EPHA6: variants seen among roughly 807,000 people sequenced by gnomAD.
EPHA6 encodes the protein EPH receptor A6.
Under a neutral mutation model 112.0 loss-of-function variants are expected in EPHA6, and 50 were observed. That is an observed-to-expected ratio of 0.45 (90% confidence interval 0.36 to 0.56). The LOEUF (loss-of-function observed/expected upper bound fraction) is 0.56, where lower values mean the gene tolerates loss of function less well. Among genes scored for constraint, EPHA6 ranks in the 20% least tolerant of loss-of-function variants. The pLI is 0.00. For missense variants in EPHA6, 1,280 were observed against 1,417.4 expected (o/e 0.90, Z 1.56); for synonymous variants, 529 against 490.7 (o/e 1.08, Z -1.03).
chr3:97,101,515 A>G (rs116627183), intron 3 of EPHA6, among the ~76,000 whole-genome samples: 2,286 of 152,052 alleles, frequency 0.015, 67 homozygotes, highest in African/African-American at 0.052. Context: ...CAAAAGGCCC[A>G]GTGTGTCTCC....
chr3:96,900,888 A>G (rs2038569511), intron 2 of EPHA6, among the ~76,000 whole-genome samples: 1 of 152,212 alleles, frequency 6.6e-6, no homozygotes, highest in African/African-American at 2.4e-5. Flanking sequence ...CAAAACCTAC[A>G]GTGTTTGTAT....
intron 3 of EPHA6, among the ~76,000 whole-genome samples, chr3:97,096,305 G>GTCTATA (rs750488203): frequency 2.0e-5 from 3 of 150,414 alleles, no homozygotes; most frequent in Non-Finnish European, 4.4e-5. Flanking sequence ...ATATATACAT[G>GTCTATA]TCTATATCTA....
chr3:97,521,604 C>T (rs1002712006), intron 10 of EPHA6, among the ~76,000 whole-genome samples: 2 of 152,058 alleles, frequency 1.3e-5, no homozygotes, highest in South Asian at 2.1e-4. Context: ...GAAAACCACC[C>T]CCATTATTCA....
intron 3 of EPHA6, among the ~76,000 whole-genome samples, chr3:97,099,999 A>AC (rs2047356466): frequency 6.6e-6 from 1 of 152,012 alleles, no homozygotes; most frequent in Admixed American, 6.6e-5. Context: ...GAGTGTCTCC[A>AC]CCATGTGTAT....
At chr3:96,836,353 T>A (rs192411524) in intron 1 of EPHA6, among the ~76,000 whole-genome samples, 2 of 152,220 alleles carry the variant, frequency 1.3e-5, no homozygotes, top group Admixed American at 1.3e-4. Context: ...CTAACACTGG[T>A]CTTTTTGTGG....
At chr3:97,094,914 T>C (rs2047188140) in intron 3 of EPHA6, among the ~76,000 whole-genome samples, 1 of 152,040 alleles carries the variant, frequency 6.6e-6, no homozygotes, top group Non-Finnish European at 1.5e-5. Flanking sequence ...GGAAACCGGA[T>C]TTCAGGGTCT....
At chr3:97,306,884 C>T (rs566426480) in intron 5 of EPHA6, among the ~76,000 whole-genome samples, 5 of 151,076 alleles carry the variant, frequency 3.3e-5, no homozygotes, top group Admixed American at 2.0e-4. Context: ...CATTTGTCAC[C>T]TACATTTTTT....
At chr3:97,149,705 T>C (rs1445454981) in intron 3 of EPHA6, among the ~76,000 whole-genome samples, 3 of 151,812 alleles carry the variant, frequency 2.0e-5, no homozygotes, top group South Asian at 2.1e-4. Context: ...TTAAGAAATA[T>C]GTAAAAGTAA....
chr3:97,262,619 G>A (rs2079541654), intron 5 of EPHA6, among the ~76,000 whole-genome samples: 1 of 152,044 alleles, frequency 6.6e-6, no homozygotes, highest in Non-Finnish European at 1.5e-5. Flanking sequence ...CTTCTTTCAG[G>A]TCTTTGCTCA....
intron 2 of EPHA6, among the ~76,000 whole-genome samples, chr3:96,956,171 C>T (rs2041750505): frequency 6.6e-6 from 1 of 152,072 alleles, no homozygotes. Flanking sequence ...TAAGTATATT[C>T]CTAAGCTTTC....
intron 7 of EPHA6, among the ~76,000 whole-genome samples, chr3:97,459,600 G>A (rs1224284990): frequency 6.6e-6 from 1 of 152,088 alleles, no homozygotes; most frequent in Non-Finnish European, 1.5e-5. Context: ...TTGGAGACAG[G>A]CAATCCAGTC....
intron 1 of EPHA6, among the ~76,000 whole-genome samples, chr3:96,823,855 T>C (rs1451189362): frequency 6.6e-6 from 1 of 151,816 alleles, no homozygotes; most frequent in African/African-American, 2.4e-5. Flanking sequence ...TTCATTTTCA[T>C]CTGAAAAAGA....
chr3:96,887,551 T>C (rs951535848), intron 2 of EPHA6, among the ~76,000 whole-genome samples: 6 of 152,142 alleles, frequency 3.9e-5, no homozygotes, highest in African/African-American at 1.4e-4. Flanking sequence ...TTTAATGCTC[T>C]ATTTTTGTGC....
At position 97,245,775 on chromosome 3, in the gene EPHA6, A is replaced by G. The variant is rs1523775; in HGVS notation, c.1606+1488A>G. ...GAGGGAGGACTGTGATGATAGTTGT[A>G]TATCTTGATTGTGGTGATAGTTACC... On this transcript the variant is annotated intron_variant, in intron 5 of 17. Coordinates refer to ENST00000389672, the MANE Select transcript of EPHA6 (RefSeq NM_001080448.3). Among the ~76,000 whole-genome samples the G allele has an allele frequency of 1.3e-3, 205 of 151,936 alleles. 1 individual carries two copies. The highest frequency in any genetic ancestry group is 0.01 in the Middle Eastern group (3 of 292).
chr3:97,181,254 G>A (rs2076981350), intron 3 of EPHA6, among the ~76,000 whole-genome samples: 1 of 152,108 alleles, frequency 6.6e-6, no homozygotes, highest in Non-Finnish European at 1.5e-5. Flanking sequence ...GGAGAAGGGT[G>A]GCTTTGGCCA....
intron 6 of EPHA6, among the ~76,000 whole-genome samples, chr3:97,430,149 A>G (rs2089417643): frequency 6.6e-6 from 1 of 152,178 alleles, no homozygotes; most frequent in Non-Finnish European, 1.5e-5. Flanking sequence ...ACTGATGAAA[A>G]AATTGGCACA....
At chr3:97,373,079 C>A (rs1259522503) in intron 5 of EPHA6, among the ~76,000 whole-genome samples, 2 of 152,036 alleles carry the variant, frequency 1.3e-5, no homozygotes, top group African/African-American at 2.4e-5. Flanking sequence ...ACTTGAAATT[C>A]TTTTCTTGGC....
intron 14 of EPHA6, among the ~76,000 whole-genome samples, chr3:97,641,718 T>A (rs1248257978): frequency 6.6e-6 from 1 of 152,154 alleles, no homozygotes; most frequent in East Asian, 1.9e-4. Context: ...ACCCGAATAT[T>A]GCGCTTTTCA....
chr3:96,815,810 C>T (rs1377235646), intron 1 of EPHA6, among the ~76,000 whole-genome samples: 1 of 152,112 alleles, frequency 6.6e-6, no homozygotes, highest in Non-Finnish European at 1.5e-5. Context: ...AATATATCTC[C>T]TTGTATTTCT....
Sources: allele counts gnomAD v4.1 joint callset (sites outside exome capture counted in the v4.1 genomes callset), GRCh38; gene constraint gnomAD v4.1.1; transcripts MANE v1.5; gene names NCBI Gene and HGNC (gene_info 2026-07-23, HGNC 2026-07-21).